Variants in MAGI2 observed in about 807,000 individuals in gnomAD.
MAGI2 encodes membrane-associated guanylate kinase, WW and PDZ domain-containing protein 2.
A neutral mutation model predicts 133.3 loss-of-function variants in MAGI2; 35 were observed. The ratio of observed to expected loss-of-function variants is 0.26; its 90% CI spans 0.20 to 0.35. The LOEUF is 0.35. Ranked by LOEUF, MAGI2 falls within the 10% of genes least tolerant of loss-of-function variation. The probability of loss-of-function intolerance (pLI) is 1.00; values close to 1 mark genes in which losing one functional copy is unlikely to be tolerated. For synonymous variants in MAGI2, 729 were observed against 710.6 expected, an observed-to-expected ratio of 1.03 and a Z score of -0.41; for missense variants, 1,636 against 1,863.4, an observed-to-expected ratio of 0.88 and a Z score of 2.25.
At chr7:78,264,460 A>G (rs1158325252) in intron 9 of MAGI2, among the ~76,000 whole-genome samples, 1 of 152,156 alleles carries the variant, frequency 6.6e-6, no homozygotes, top group African/African-American at 2.4e-5. Context: ...GAACTGCAAT[A>G]TTCTTTTGAT....
At chr7:78,297,312 T>TAA (rs371140390) in intron 9 of MAGI2, among the ~76,000 whole-genome samples, 7,467 of 151,940 alleles carry the variant, frequency 0.049, 241 homozygotes, top group South Asian at 0.12. Context: ...TGGCAATCAT[T>TAA]AAAAAGTCAG....
At chr7:79,043,746 C>T (rs1562825316) in intron 1 of MAGI2, among the ~76,000 whole-genome samples, 1 of 151,798 alleles carries the variant, frequency 6.6e-6, no homozygotes. Flanking sequence ...GACAAAATAA[C>T]CCCTCAAATA....
At chr7:78,298,220 A>G (rs1797483865) in intron 9 of MAGI2, among the ~76,000 whole-genome samples, 1 of 152,184 alleles carries the variant, frequency 6.6e-6, no homozygotes, top group Admixed American at 6.5e-5. Context: ...AAGGTCATCA[A>G]AAACAAGAAA....
At chr7:79,155,258 C>T (rs1007609992) in intron 1 of MAGI2, among the ~76,000 whole-genome samples, 6 of 58,392 alleles carry the variant, frequency 1.0e-4, no homozygotes, top group Admixed American at 1.7e-4. Flanking sequence ...CATGAATAAT[C>T]AATTTCACTT....
chr7:79,365,358 A>G (rs1377605469), intron 1 of MAGI2, among the ~76,000 whole-genome samples: 1 of 152,166 alleles, frequency 6.6e-6, no homozygotes. Flanking sequence ...ACAATCTTGC[A>G]CTTGCACTCT....
At chr7:79,131,281 G>C (rs1244344526) in intron 1 of MAGI2, among the ~76,000 whole-genome samples, 4 of 152,148 alleles carry the variant, frequency 2.6e-5, no homozygotes, top group Non-Finnish European at 4.4e-5. Flanking sequence ...TGAGTGTTAA[G>C]AGATTGAATG....
At chr7:78,740,960 G>A (rs1351657904) in intron 2 of MAGI2, among the ~76,000 whole-genome samples, 1 of 152,156 alleles carries the variant, frequency 6.6e-6, no homozygotes, top group Non-Finnish European at 1.5e-5. Flanking sequence ...GACAGAAATT[G>A]GTTACAAGGA....
chr7:78,517,097 G>C (rs547609951), intron 4 of MAGI2, among the ~76,000 whole-genome samples: 2 of 152,162 alleles, frequency 1.3e-5, no homozygotes, highest in South Asian at 4.2e-4. Flanking sequence ...TAAATCTGTA[G>C]AATTTGAAGC....
chr7:78,812,393 G>T (rs1448570431), intron 2 of MAGI2, among the ~76,000 whole-genome samples: 1 of 152,132 alleles, frequency 6.6e-6, no homozygotes, highest in East Asian at 1.9e-4. Flanking sequence ...TAGTTCAGAG[G>T]TTGAAGCTTC....
intron 6 of MAGI2, among the ~76,000 whole-genome samples, chr7:78,442,982 T>G (rs1787773467): frequency 6.6e-6 from 1 of 152,146 alleles, no homozygotes; most frequent in Admixed American, 6.6e-5. Context: ...TTTAAACAAG[T>G]CAAAGAGATA....
rs78417154 is a variant in MAGI2 at position 78,967,114 on chromosome 7, T to C, written c.418+39976A>G. On this transcript the variant is annotated intron_variant, in intron 2 of 21. Coordinates refer to ENST00000354212, the MANE Select transcript of MAGI2 (RefSeq NM_012301.4). ...CATCTTGCTGGTCTAACTTTTTTTT[T>C]AAATTTTCCTTAAAGACAAAATATT... Among the ~76,000 whole-genome samples, 5 of 151,616 alleles carry C rather than the reference T, an allele frequency of 3.3e-5. No individual in the cohort carries two copies. In the East Asian group the frequency reaches 9.7e-4, roughly 29 times the overall value.
chr7:78,242,138 G>A (rs889205141), intron 10 of MAGI2, among the ~76,000 whole-genome samples: 1 of 152,190 alleles, frequency 6.6e-6, no homozygotes, highest in Non-Finnish European at 1.5e-5. Context: ...ATGACCAGTG[G>A]GAACTAGAAC....
intron 1 of MAGI2, among the ~76,000 whole-genome samples, chr7:79,337,157 G>A (rs1179916922): frequency 3.3e-5 from 5 of 152,074 alleles, no homozygotes; most frequent in Non-Finnish European, 1.5e-5. Flanking sequence ...GAAAACAGAA[G>A]TCTATTTTCC....
chr7:78,458,294 CA>C (rs11380893), intron 6 of MAGI2, among the ~76,000 whole-genome samples: 7 of 113,082 alleles, frequency 6.2e-5, no homozygotes, highest in Admixed American at 1.8e-4. Flanking sequence ...AACTCGGTCT[CA>C]AAAAAAAAAA....
intron 2 of MAGI2, among the ~76,000 whole-genome samples, chr7:78,891,274 T>C (rs2151569435): frequency 6.6e-6 from 1 of 152,228 alleles, no homozygotes; most frequent in South Asian, 2.1e-4. Context: ...ACCAGACGGA[T>C]TCAAAGCCTA....
intron 2 of MAGI2, among the ~76,000 whole-genome samples, chr7:78,950,140 A>G (rs545375368): frequency 6.6e-6 from 1 of 151,868 alleles, no homozygotes; most frequent in Admixed American, 6.6e-5. Flanking sequence ...TTTCAGGCTG[A>G]TGATTCTCCT....
intron 2 of MAGI2, among the ~76,000 whole-genome samples, chr7:78,963,607 G>C (rs1803049449): frequency 6.6e-6 from 1 of 152,010 alleles, no homozygotes; most frequent in African/African-American, 2.4e-5. Flanking sequence ...AGAAAGGGAA[G>C]CTGGCATGTG....
Position 78,129,791 on chromosome 7 carries a change from C to T in MAGI2, c.3204-2375G>A, listed in dbSNP as rs545034705. Among the ~76,000 whole-genome samples, 532 of 151,990 alleles carry T rather than the reference C, an allele frequency of 3.5e-3. 3 individuals carry two copies. Among genetic ancestry groups the T allele is most frequent in the African/African-American group, 0.012 (504 of 41,470 alleles). On this transcript the variant is annotated intron_variant, in intron 18 of 21. Transcript: ENST00000354212. ...TCTCTACTAAAAATACAAAATTAGC[C>T]GGGCGTGGTGGCACATGCCTGTAAT...
chr7:79,144,542 G>A (rs1822435476), intron 1 of MAGI2, among the ~76,000 whole-genome samples: 2 of 152,180 alleles, frequency 1.3e-5, no homozygotes, highest in Non-Finnish European at 2.9e-5. Flanking sequence ...AAAGTCGGCA[G>A]AATTGTGAGT....
Sources: gnomAD v4.1 joint callset for allele counts (sites outside exome capture counted in the v4.1 genomes callset) on GRCh38, gnomAD v4.1.1 for gene constraint, MANE v1.5 for transcripts, NCBI Gene and HGNC (gene_info 2026-07-23, HGNC 2026-07-21) for gene names.